Variants in GRM4 observed in about 807,000 individuals in gnomAD.
GRM4 encodes the protein metabotropic glutamate receptor 4.
A neutral mutation model predicts 81.7 loss-of-function variants in GRM4; 28 were observed. The ratio of observed to expected loss-of-function variants is 0.34; its 90% CI spans 0.25 to 0.47. The LOEUF is 0.47. Among genes scored for constraint, GRM4 ranks in the 20% least tolerant of loss-of-function variants. GRM4 has a pLI of 1.00. For missense variants in GRM4, 948 were observed against 1,290.0 expected (o/e 0.73, Z 4.06); for synonymous variants, 488 against 528.8 (o/e 0.92, Z 1.06).
At chr6:34,071,610 CA>C (rs1766866016) in intron 3 of GRM4, among the ~76,000 whole-genome samples, 3 of 127,372 alleles carry the variant, frequency 2.4e-5, no homozygotes, top group South Asian at 2.6e-4. Flanking sequence ...ATACCACACA[CA>C]CCCATACATC....
In GRM4 at chr6:34,133,751, T is replaced by G. The variant is rs1770345885; in HGVS notation, c.-255A>C. On this transcript the variant is annotated 5_prime_UTR_variant, in exon 2 of 11. Coordinates refer to ENST00000538487, the MANE Select transcript of GRM4 (RefSeq NM_000841.4). The surrounding 1 kb of genome is among the most constrained non-coding windows in gnomAD (Gnocchi z 6.5). ...CAGGAAGGCTCTGATCCTTGTCCCG[T>G]CCTGCAGGCCTGTTCTCGGTGGATG... is the stretch of plus-strand genomic sequence containing the variant. 4 of 1,245,354 alleles carry G rather than the reference T, an allele frequency of 3.2e-6. No homozygotes were observed. The highest frequency in any genetic ancestry group is 4.0e-6 in the Non-Finnish European group (4 of 997,584). 77.1% of individuals were successfully genotyped at this position (1,245,354 alleles called of 1,614,324 possible). A position where few individuals can be genotyped will look rare whatever the true frequency, so the allele number is the denominator to read the frequency against.
intron 8 of GRM4, among the ~76,000 whole-genome samples, chr6:34,039,730 C>T (rs1344906799): frequency 2.0e-5 from 3 of 152,170 alleles, no homozygotes; most frequent in African/African-American, 7.2e-5. Context: ...GCACAAATCC[C>T]ACCGTTCAAC....
chr6:34,128,890 A>G (rs2127508738), intron 2 of GRM4, among the ~76,000 whole-genome samples: 1 of 152,344 alleles, frequency 6.6e-6, no homozygotes, highest in East Asian at 1.9e-4. Context: ...CAAAATGAAT[A>G]AAAGACTCAA....
chr6:34,136,864 A>T lies in GRM4; in HGVS notation c.-363-3005T>A, dbSNP rs1301928820. On this transcript the variant is annotated intron_variant, in intron 1 of 10. Coordinates refer to ENST00000538487, the MANE Select transcript of GRM4 (RefSeq NM_000841.4). The surrounding 1 kb of genome is among the most constrained non-coding windows in gnomAD (Gnocchi z 4.1). ...CTTCCCCTCCCTCCTTTGATCATGT[A>T]ACAGGAACAAGGGAAAAGTAAAAAT... Among the ~76,000 whole-genome samples the T allele has an allele frequency of 1.3e-5, 2 of 151,662 alleles. No individual in the cohort carries two copies. The highest frequency in any genetic ancestry group is 4.8e-5 in the African/African-American group (2 of 41,332).
In GRM4 at chr6:34,068,292, C is replaced by A. The variant is rs1026741846; in HGVS notation, c.737-6264G>T. On this transcript the variant is annotated intron_variant, in intron 3 of 10. Transcript: ENST00000538487. The surrounding 1 kb of genome is among the most constrained non-coding windows in gnomAD (Gnocchi z 4.2). ...CTATTCTCTAGGAGCTGCTGCCTTG[C>A]CCGAGACCCCAGGAATTGAGAACAC... Among the ~76,000 whole-genome samples the A allele has an allele frequency of 1.3e-5, 2 of 152,148 alleles. No homozygotes were observed. Among genetic ancestry groups the A allele is most frequent in the Non-Finnish European group, 2.9e-5 (2 of 68,020 alleles).
intron 1 of GRM4, among the ~76,000 whole-genome samples, chr6:34,137,280 C>G (rs192788776): frequency 7.2e-5 from 11 of 152,320 alleles, no homozygotes; most frequent in African/African-American, 2.4e-4. Flanking sequence ...TCCTTGGTTC[C>G]AGGGGAGGAC....
At chr6:34,046,833 G>A (rs1402836709) in intron 6 of GRM4, among the ~76,000 whole-genome samples, 2 of 152,342 alleles carry the variant, frequency 1.3e-5, no homozygotes, top group Middle Eastern at 3.4e-3. Flanking sequence ...GTGGGAAGGT[G>A]AGGTGCCAGG....
chr6:34,024,546 C>A, intron 10 of GRM4: 1 of 400,008 alleles, frequency 2.5e-6, no homozygotes, highest in Middle Eastern at 7.4e-4. Flanking sequence ...GTTTGGTGTC[C>A]AACTATCAGT....
At chr6:34,132,503 G>T (rs766829266) in intron 2 of GRM4, among the ~76,000 whole-genome samples, 1 of 152,208 alleles carries the variant, frequency 6.6e-6, no homozygotes, top group Non-Finnish European at 1.5e-5. Context: ...CAAAACAAAA[G>T]TCTTGCTTTT....
At chr6:34,043,279 T>C (rs948858867) in intron 6 of GRM4, among the ~76,000 whole-genome samples, 12 of 152,166 alleles carry the variant, frequency 7.9e-5, no homozygotes, top group Non-Finnish European at 1.8e-4. Context: ...TTCACCATCC[T>C]GCCTTGTCCA....
chr6:34,097,456 CG>C (rs760796853), intron 2 of GRM4, among the ~76,000 whole-genome samples: 5,521 of 151,942 alleles, frequency 0.036, 106 homozygotes, highest in African/African-American at 0.06. Context: ...TGTGTGCGCG[CG>C]CATGTGTGTA....
chr6:34,118,414 G>A (rs1769678820), intron 2 of GRM4, among the ~76,000 whole-genome samples: 1 of 152,226 alleles, frequency 6.6e-6, no homozygotes, highest in Non-Finnish European at 1.5e-5. Flanking sequence ...GGCAGGGGCA[G>A]GGCACTGTGC....
At chr6:34,110,704 C>A in intron 2 of GRM4, 1 of 1,522,312 alleles carries the variant, frequency 6.6e-7, no homozygotes, top group Non-Finnish European at 8.8e-7. Context: ...GCCTCAGCCT[C>A]CCCGCTGTGC....
chr6:34,044,149 CAT>C (rs1351386602), intron 6 of GRM4, among the ~76,000 whole-genome samples: 2 of 139,210 alleles, frequency 1.4e-5, no homozygotes, highest in African/African-American at 3.0e-5. Context: ...CATACATACA[CAT>C]ATATACACAT....
At chr6:34,154,322 G>C (rs989110678) in intron 1 of GRM4, among the ~76,000 whole-genome samples, 1 of 152,046 alleles carries the variant, frequency 6.6e-6, no homozygotes, top group African/African-American at 2.4e-5. Flanking sequence ...GGGCCCTCTC[G>C]TTCTCACCTC....
At chr6:34,123,352 T>A (rs1769889971) in intron 2 of GRM4, among the ~76,000 whole-genome samples, 2 of 152,074 alleles carry the variant, frequency 1.3e-5, no homozygotes, top group South Asian at 2.1e-4. Flanking sequence ...CCCCTCCCCA[T>A]CACCATGCTC....
Position 34,028,212 on chromosome 6 carries a change from G to C in GRM4, c.2597C>G (p.Ala866Gly), listed in dbSNP as rs528243676. 2 of 1,614,016 alleles carry C rather than the reference G, an allele frequency of 1.2e-6. No individual in the cohort carries two copies. The highest frequency in any genetic ancestry group is 2.2e-5 in the East Asian group (1 of 44,878). ...CGTGAACTTGTTGGACATGGTGGCC[G>C]CCGTAACGACGGCTTTGAGGCTGCG... ...RKRSLKAVVT[A>G]ATMSNKFTQK... The change falls in exon 10 of 11, where the codon GCG becomes GGG. Residue 866 changes from alanine to glycine, a missense_variant. Ala to Gly is a moderately conservative substitution (Grantham distance 60). Transcript: ENST00000538487.
At chr6:34,071,327 C>G (rs1005777189) in intron 3 of GRM4, among the ~76,000 whole-genome samples, 14 of 137,422 alleles carry the variant, frequency 1.0e-4, no homozygotes, top group African/African-American at 3.8e-4. Context: ...ACCACACACA[C>G]ACATCACACA....
At position 34,133,455 on chromosome 6, in the gene GRM4, C is replaced by A. The variant is rs140127349; in HGVS notation, c.42G>T (p.Leu14=). 1.3e-5 allele frequency: 20 copies of A among 1,597,268 alleles called. 1 individual carries two copies. The African/African-American group carries it at 2.5e-4, about 20-fold the overall frequency. The stretch of plus-strand genomic sequence containing the variant: ...AAAGGCTGAGGAGCAGGCAAAGGGG[C>A]AGCCGGGCCCACCACCAGCCCAAGC... ...KRGLGWWWAR[L]PLCLLLSLYG... Residue 14 remains leucine (L), a synonymous_variant, in exon 2 of 11, where the codon CTG becomes CTT. Transcript: ENST00000538487. This position sits in a 1 kb window ranked among gnomAD's most constrained non-coding sequence, Gnocchi z 6.5.
Sources: gnomAD v4.1 joint callset for allele counts (sites outside exome capture counted in the v4.1 genomes callset) on GRCh38, gnomAD v4.1.1 for gene constraint, Gnocchi (gnomAD v3.1) non-coding constraint, MANE v1.5 for transcripts, NCBI Gene and HGNC (gene_info 2026-07-23, HGNC 2026-07-21) for gene names.